AP3D1: variants seen among roughly 807,000 people sequenced by gnomAD.
The protein encoded by AP3D1 is AP-3 complex subunit delta-1.
A neutral mutation model predicts 147.6 loss-of-function variants in AP3D1; 51 were observed. The observed-to-expected ratio is 0.35, with a 90% CI of 0.28 to 0.44. The LOEUF is 0.44. Ranked by LOEUF, AP3D1 falls within the 20% of genes least tolerant of loss-of-function variation. AP3D1 has a pLI of 1.00. For synonymous variants in AP3D1, 760 were observed against 663.0 expected (o/e 1.15, Z -2.25); for missense variants, 1,421 against 1,624.2 (o/e 0.87, Z 2.15).
rs558823738 is a variant in AP3D1, at chr19:2,129,543, T to G, written c.593-86A>C. 344 of 1,483,458 alleles carry G rather than the reference T, an allele frequency of 2.3e-4. 5 individuals carry two copies. The East Asian group carries it at 8.1e-3, about 35-fold the overall frequency. The allele number at this position is 1,483,458 out of a possible 1,614,324, so 91.9% of individuals were successfully genotyped here. ...GTCTTCCTGGCCCGCGAGGAAGTTCTGGGGCCTGCAGCAGCTCCCACTGAA... is the reference window on the plus strand; with the variant it reads ...GTCTTCCTGGCCCGCGAGGAAGTTCGGGGGCCTGCAGCAGCTCCCACTGAA... On this transcript the variant is annotated intron_variant, in intron 6 of 31. Coordinates refer to ENST00000643116, the MANE Select transcript of AP3D1 (RefSeq NM_001261826.3).
chr19:2,146,630 C>T (rs2238609), intron 1 of AP3D1, among the ~76,000 whole-genome samples: 72,630 of 146,800 alleles, frequency 0.49, 18,302 homozygotes, highest in African/African-American at 0.51. Context: ...AAAAAAAAGC[C>T]GTACAATGTC....
At chr19:2,111,154 C>A in intron 26 of AP3D1, 131 bp downstream of exon 26, 3 of 1,224,852 alleles carry the variant, frequency 2.4e-6, no homozygotes, top group South Asian at 1.4e-5. Flanking sequence ...CCAAGCAACG[C>A]CCCTGCCAGG....
rs530478406 is a variant in AP3D1, at chr19:2,162,038, T to G, written c.-103+2318A>C. 4.1e-5 allele frequency among the ~76,000 whole-genome samples: 6 copies of G among 148,086 alleles called. No homozygotes were observed. In the South Asian group the frequency reaches 1.1e-3, roughly 27 times the overall value. On this transcript the variant is annotated intron_variant, in intron 1 of 14. Coordinates refer to the AP3D1 transcript ENST00000643010. ...ACAAAGAAAAAGCCCATTGAGTTTT[T>G]TTTTTTTTTTTTTTTGAGACACAGT...
At chr19:2,123,982 T>C in intron 9 of AP3D1, 103 bp from the exon 10 acceptor site, 1 of 1,292,220 alleles carries the variant, frequency 7.7e-7, no homozygotes, top group Non-Finnish European at 1.1e-6. Flanking sequence ...GGAGGAGGGA[T>C]GGGAGGGAGG....
upstream of AP3D1, among the ~76,000 whole-genome samples, chr19:2,153,052 C>A (rs1307330990): frequency 7.2e-6 from 1 of 139,108 alleles, no homozygotes. Context: ...GTCAGACACC[C>A]ATCTTAAAAA....
At chr19:2,162,774 CTA>C (rs1407350348) in intron 1 of AP3D1, among the ~76,000 whole-genome samples, 1 of 152,040 alleles carries the variant, frequency 6.6e-6, no homozygotes, top group African/African-American at 2.4e-5. Flanking sequence ...CTGCGGGACT[CTA>C]TTGCTGAGAG....
chr19:2,157,524 CCCATCCATCCAT>C (rs142566326), intron 1 of AP3D1, among the ~76,000 whole-genome samples: 7,992 of 148,480 alleles, frequency 0.054, 254 homozygotes, highest in East Asian at 0.14. Context: ...CATACAGTAA[CCCATCCATCCAT>C]CCATCCATCC....
intron 18 of AP3D1, 115 bp from the exon 19 acceptor site, chr19:2,115,728 C>T (rs2018427817): frequency 3.5e-6 from 4 of 1,129,070 alleles, no homozygotes; most frequent in Admixed American, 5.2e-5. Flanking sequence ...GAGCTGGGGT[C>T]CTGCCAGAGC....
intron 1 of AP3D1, among the ~76,000 whole-genome samples, chr19:2,157,502 C>CA (rs1299848993): frequency 6.6e-6 from 1 of 151,484 alleles, no homozygotes; most frequent in African/African-American, 2.4e-5. Flanking sequence ...GCCAACCATC[C>CA]ACCTATCCAC....
intron 23 of AP3D1, 141 bp downstream of exon 23, chr19:2,113,195 C>T: frequency 1.6e-6 from 1 of 638,274 alleles, no homozygotes; most frequent in Non-Finnish European, 2.7e-6. Context: ...GACCCCGGCT[C>T]CACTCAGTGC....
At position 2,109,454 on chromosome 19, in the gene AP3D1, C is replaced by T. The variant is rs2018202442; in HGVS notation, c.3351-247G>A. 9 of 527,840 alleles carry T rather than the reference C, an allele frequency of 1.7e-5. No individual in the cohort carries two copies. The South Asian group carries it at 1.9e-4, about 11-fold the overall frequency. The allele number at this position is 527,840 out of a possible 1,614,324, so 32.7% of individuals were successfully genotyped here. A position where few individuals can be genotyped will look rare whatever the true frequency, so the allele number is the denominator to read the frequency against. On this transcript the variant is annotated intron_variant, in intron 29 of 31. Coordinates refer to ENST00000643116, the MANE Select transcript of AP3D1 (RefSeq NM_001261826.3). Reference sequence around the variant, plus strand: ...TGCCTGAAGCCATGGGATGGGCCCTCCTCCGACAAGGACGGATGTCCTGTA... The same window carrying T: ...TGCCTGAAGCCATGGGATGGGCCCTTCTCCGACAAGGACGGATGTCCTGTA...
chr19:2,110,257 C>G, intron 27 of AP3D1, 33 bp from the exon 28 acceptor site: 1 of 1,591,424 alleles, frequency 6.3e-7, no homozygotes, highest in Non-Finnish European at 8.6e-7. Flanking sequence ...GGGCCTGAGA[C>G]GCTGCGGGGG....
chr19:2,120,175 A>G (rs1284928233), intron 14 of AP3D1, among the ~76,000 whole-genome samples: 5 of 152,152 alleles, frequency 3.3e-5, no homozygotes, highest in Admixed American at 6.5e-5. Flanking sequence ...ATAAATTTCC[A>G]AGAGAGCCTG....
At chr19:2,160,459 A>G (rs2019687239) in intron 1 of AP3D1, among the ~76,000 whole-genome samples, 1 of 152,094 alleles carries the variant, frequency 6.6e-6, no homozygotes, top group African/African-American at 2.4e-5. Flanking sequence ...GCTTGAAACC[A>G]GGAGGCGGGG....
intron 4 of AP3D1, among the ~76,000 whole-genome samples, chr19:2,134,380 T>C (rs2019024636): frequency 6.6e-6 from 1 of 151,466 alleles, no homozygotes; most frequent in Admixed American, 6.6e-5. Context: ...GCAATTGCGC[T>C]ACTGCTCTCC....
At chr19:2,123,989 G>T in intron 9 of AP3D1, 110 bp from the exon 10 acceptor site, 2 of 1,246,420 alleles carry the variant, frequency 1.6e-6, no homozygotes, top group Non-Finnish European at 2.3e-6. Flanking sequence ...GGATGGGAGG[G>T]AGGACAGAAA....
At chr19:2,140,947 C>T (rs1373951436) in intron 1 of AP3D1, among the ~76,000 whole-genome samples, 2 of 151,720 alleles carry the variant, frequency 1.3e-5, no homozygotes, top group Admixed American at 6.6e-5. Flanking sequence ...TTGGTAGAGA[C>T]GGGGTTTCGC....
At chr19:2,108,948 C>T in intron 30 of AP3D1, 138 bp downstream of exon 30, 3 of 1,428,356 alleles carry the variant, frequency 2.1e-6, no homozygotes, top group Non-Finnish European at 2.8e-6. Context: ...GCTCCCAGGC[C>T]TCGGGGCCAC....
chr19:2,147,648 C>A (rs1252447680), intron 1 of AP3D1, among the ~76,000 whole-genome samples: 1 of 151,646 alleles, frequency 6.6e-6, no homozygotes, highest in Non-Finnish European at 1.5e-5. Context: ...GTAATCCCAG[C>A]ACTTTGGGAG....
Sources: gnomAD v4.1 joint callset for allele counts (sites outside exome capture counted in the v4.1 genomes callset) on GRCh38, gnomAD v4.1.1 for gene constraint, MANE v1.5 for transcripts, NCBI Gene and HGNC (gene_info 2026-07-23, HGNC 2026-07-21) for gene names.